AKT3: variants seen among roughly 807,000 people sequenced by gnomAD.
AKT3 encodes the protein AKT serine/threonine kinase 3, also known as RAC-gamma serine/threonine-protein kinase.
Under a neutral mutation model 65.3 loss-of-function variants are expected in AKT3, and 15 were observed. That is an observed-to-expected ratio of 0.23 (90% CI 0.15 to 0.35). The LOEUF (loss-of-function observed/expected upper bound fraction) is 0.35. Ranked by LOEUF, AKT3 falls within the 10% of genes least tolerant of loss-of-function variation. The pLI is 1.00. For missense variants in AKT3, 243 were observed against 576.5 expected (o/e 0.42, Z 5.92); for synonymous variants, 206 against 183.8 (o/e 1.12, Z -0.98).
At chr1:243,617,607 C>G (rs1256719421) in intron 6 of AKT3, among the ~76,000 whole-genome samples, 1 of 152,000 alleles carries the variant, frequency 6.6e-6, no homozygotes, top group Non-Finnish European at 1.5e-5. Context: ...GGAGGTTATC[C>G]ACTATTGTCA....
At chr1:243,600,689 C>T (rs977425523) in intron 8 of AKT3, among the ~76,000 whole-genome samples, 2 of 152,032 alleles carry the variant, frequency 1.3e-5, no homozygotes, top group Admixed American at 1.3e-4. Context: ...AATGCAAGAG[C>T]TAAAACTATT....
intron 2 of AKT3, among the ~76,000 whole-genome samples, chr1:243,836,995 T>G (rs1694935490): frequency 6.6e-6 from 1 of 151,922 alleles, no homozygotes; most frequent in South Asian, 2.1e-4. Context: ...GTATATAATT[T>G]ACCAATATCA....
At chr1:243,781,079 A>C (rs1476912977) in intron 2 of AKT3, among the ~76,000 whole-genome samples, 4 of 151,990 alleles carry the variant, frequency 2.6e-5, no homozygotes, top group Admixed American at 6.5e-5. Context: ...CTTGGTAACT[A>C]CTGTTAATAG....
chr1:243,612,594 T>C (rs1677952238), intron 8 of AKT3: 1 of 155,578 alleles, frequency 6.4e-6, no homozygotes. Context: ...ACAATAAAAA[T>C]ATTTCCAGTT....
intron 8 of AKT3, among the ~76,000 whole-genome samples, chr1:243,576,296 T>G (rs2200514): frequency 0.95 from 145,112 of 152,250 alleles, 69,552 homozygotes; most frequent in East Asian, 1. Context: ...ATGGGCAAAA[T>G]CCAGAAGCAT....
intron 8 of AKT3, among the ~76,000 whole-genome samples, chr1:243,600,265 A>G (rs1164474668): frequency 2.0e-5 from 3 of 152,158 alleles, no homozygotes; most frequent in Admixed American, 6.5e-5. Flanking sequence ...CACAATCACA[A>G]TTAAAATCCA....
chr1:243,843,676 G>A (rs1214791271), intron 1 of AKT3: 59 of 634,726 alleles, frequency 9.3e-5, no homozygotes, highest in Non-Finnish European at 1.1e-4. Context: ...TTTTTGAAAC[G>A]GAATCTCACT....
chr1:243,626,545 A>G (rs1404407796), intron 6 of AKT3, among the ~76,000 whole-genome samples: 1 of 152,206 alleles, frequency 6.6e-6, no homozygotes, highest in African/African-American at 2.4e-5. Context: ...ATTAATCAGG[A>G]TGAGGACTGA....
At chr1:243,587,688 T>C (rs1418040823) in intron 8 of AKT3, among the ~76,000 whole-genome samples, 1 of 152,158 alleles carries the variant, frequency 6.6e-6, no homozygotes, top group East Asian at 1.9e-4. Flanking sequence ...TTTTCAGAAG[T>C]ATATACATTG....
chr1:243,549,568 A>G (rs1183761089), intron 11 of AKT3, among the ~76,000 whole-genome samples: 1 of 152,094 alleles, frequency 6.6e-6, no homozygotes, highest in Non-Finnish European at 1.5e-5. Context: ...AGCTGGGACT[A>G]CAGCATGTGC....
chr1:243,645,866 T>TG, intron 5 of AKT3, 27 bp downstream of exon 5: 3 of 1,577,888 alleles, frequency 1.9e-6, no homozygotes, highest in Non-Finnish European at 2.6e-6. Flanking sequence ...ATGAATGCTG[T>TG]GCTGGGAATA....
intron 2 of AKT3, among the ~76,000 whole-genome samples, chr1:243,714,980 AT>A (rs1386406409): frequency 6.6e-6 from 1 of 152,126 alleles, no homozygotes; most frequent in Non-Finnish European, 1.5e-5. Context: ...ACTCATATGA[AT>A]CCTTTAAATT....
At chr1:243,625,899 T>G (rs1268647502) in intron 6 of AKT3, among the ~76,000 whole-genome samples, 1 of 152,156 alleles carries the variant, frequency 6.6e-6, no homozygotes, top group East Asian at 1.9e-4. Flanking sequence ...GGACAGCTAG[T>G]CTGGTGGACT....
chr1:243,521,324 T>C (rs548662709), intron 12 of AKT3, among the ~76,000 whole-genome samples: 1 of 152,340 alleles, frequency 6.6e-6, no homozygotes, highest in Non-Finnish European at 1.5e-5. Flanking sequence ...TCTGGTGCTA[T>C]AATTTTCACT....
At chr1:243,584,612 C>A (rs1240089394) in intron 8 of AKT3, among the ~76,000 whole-genome samples, 1 of 152,130 alleles carries the variant, frequency 6.6e-6, no homozygotes, top group African/African-American at 2.4e-5. Flanking sequence ...GGCATCATTC[C>A]TGGGATGCAA....
intron 3 of AKT3, chr1:243,687,605 A>G (rs904793718): frequency 3.3e-5 from 5 of 150,450 alleles, no homozygotes; most frequent in African/African-American, 4.9e-5. Flanking sequence ...GATGGGATAC[A>G]CTTTTTCTGT....
chr1:243,691,053 A>G (rs1684656763), intron 3 of AKT3, among the ~76,000 whole-genome samples: 1 of 152,202 alleles, frequency 6.6e-6, no homozygotes, highest in African/African-American at 2.4e-5. Flanking sequence ...ACAGCAGAAG[A>G]TAATAGATTT....
chr1:243,771,211 T>C (rs182507745), intron 2 of AKT3, among the ~76,000 whole-genome samples: 1 of 152,228 alleles, frequency 6.6e-6, no homozygotes, highest in East Asian at 1.9e-4. Context: ...TCAAATGCAG[T>C]TAACTATTCC....
intron 13 of AKT3, chr1:243,489,102 C>T (rs770511642): frequency 6.2e-7 from 1 of 1,613,178 alleles, no homozygotes; most frequent in East Asian, 2.2e-5. Flanking sequence ...CCTGGAGAGG[C>T]AGAGCCTGTC....
Sources: gnomAD v4.1 joint callset for allele counts (sites outside exome capture counted in the v4.1 genomes callset) on GRCh38, gnomAD v4.1.1 for gene constraint, MANE v1.5 for transcripts, NCBI Gene and HGNC (gene_info 2026-07-23, HGNC 2026-07-21) for gene names.